ANKRD46: variants seen among roughly 807,000 people sequenced by gnomAD.
The protein encoded by ANKRD46 is ankyrin repeat domain-containing protein 46.
A neutral mutation model predicts 19.8 loss-of-function variants in ANKRD46; 13 were observed. The ratio of observed to expected loss-of-function variants is 0.66; its 90% confidence interval spans 0.43 to 1.04. The LOEUF is 1.04. Ranked by LOEUF, ANKRD46 falls within the 50% of genes least tolerant of loss-of-function variation. The pLI, the probability that ANKRD46 is intolerant of heterozygous loss-of-function variation, is 0.00. For synonymous variants in ANKRD46, 91 were observed against 106.9 expected (o/e 0.85, Z 0.92); for missense variants, 185 against 274.8 (o/e 0.67, Z 2.31).
intron 1 of ANKRD46, among the ~76,000 whole-genome samples, chr8:100,540,799 T>C (rs1016563660): frequency 6.6e-6 from 1 of 152,178 alleles, no homozygotes; most frequent in Non-Finnish European, 1.5e-5. Flanking sequence ...TCTAATATCT[T>C]AGTATTTTCC....
chr8:100,520,211 G>A (rs1811698025), downstream of ANKRD46, among the ~76,000 whole-genome samples: 1 of 152,202 alleles, frequency 6.6e-6, no homozygotes. Flanking sequence ...CTACCACTGG[G>A]AAGATGTGTA....
intron 4 of ANKRD46, among the ~76,000 whole-genome samples, chr8:100,526,252 A>C (rs187669443): frequency 6.6e-6 from 1 of 152,308 alleles, no homozygotes; most frequent in East Asian, 1.9e-4. Context: ...ATCACAACTG[A>C]GGCAAACTAA....
chr8:100,519,884 T>A (rs1811693482), downstream of ANKRD46, among the ~76,000 whole-genome samples: 1 of 152,048 alleles, frequency 6.6e-6, no homozygotes, highest in Non-Finnish European at 1.5e-5. Context: ...CTATTCAACC[T>A]GAAAAGAAAA....
intron 1 of ANKRD46, among the ~76,000 whole-genome samples, chr8:100,542,355 G>C (rs749738465): frequency 8.5e-5 from 13 of 152,086 alleles, no homozygotes; most frequent in Non-Finnish European, 1.5e-4. Context: ...AGACTAAGGA[G>C]ATGCCTTAGT....
At chr8:100,512,968 T>C (rs375969857) in intron 5 of ANKRD46, among the ~76,000 whole-genome samples, 1 of 152,314 alleles carries the variant, frequency 6.6e-6, no homozygotes. Flanking sequence ...CTATTGAGGC[T>C]TTCTTGAGAA....
chr8:100,551,577 A>G, intron 1 of ANKRD46: 2 of 749,476 alleles, frequency 2.7e-6, no homozygotes, highest in East Asian at 6.2e-5. Context: ...ATACTGGAAC[A>G]TGCAGACCAT....
At chr8:100,530,193 A>G (rs1228688194) in intron 2 of ANKRD46, among the ~76,000 whole-genome samples, 1 of 152,206 alleles carries the variant, frequency 6.6e-6, no homozygotes, top group Non-Finnish European at 1.5e-5. Flanking sequence ...CATAGATAAC[A>G]TGGTGTTTAA....
chr8:100,528,156 A>C (rs938538166), intron 3 of ANKRD46, among the ~76,000 whole-genome samples, 153 bp from the exon 4 acceptor site: 1 of 152,152 alleles, frequency 6.6e-6, no homozygotes, highest in Non-Finnish European at 1.5e-5. Flanking sequence ...GGCTGTGGGG[A>C]ACTAAAGGAG....
At position 100,550,639 on chromosome 8, in the gene ANKRD46, G is replaced by A; in HGVS notation, c.-131+9072C>T. On this transcript the variant is annotated intron_variant, in intron 1 of 4. Coordinates refer to ENST00000335659, the MANE Select transcript of ANKRD46 (RefSeq NM_001270377.2). This position sits in a 1 kb window ranked among gnomAD's most constrained non-coding sequence, Gnocchi z 4.4. ...GAGGGGAGATTCCCAGTGTGGTGGG[G>A]GACTGAGCATGGCAGGGACTGCCCA... 1 of 238,218 alleles carries A rather than the reference G, an allele frequency of 4.2e-6. No homozygotes were observed. The highest frequency in any genetic ancestry group is 1.3e-4 in the East Asian group (1 of 7,420). 14.8% of individuals were successfully genotyped at this position (238,218 alleles called of 1,614,324 possible).
chr8:100,549,823 T>G (rs1462713669), intron 1 of ANKRD46, among the ~76,000 whole-genome samples: 1 of 152,228 alleles, frequency 6.6e-6, no homozygotes, highest in Non-Finnish European at 1.5e-5. Flanking sequence ...TTCACTGCCC[T>G]AAAAATTTTC....
At position 100,534,598 on chromosome 8, in the gene ANKRD46, T is replaced by C. The variant is rs548040611; in HGVS notation, c.-130-1287A>G. Among the ~76,000 whole-genome samples the C allele has an allele frequency of 1.3e-5, 2 of 152,290 alleles. No homozygotes were observed. The highest frequency in any genetic ancestry group is 4.8e-5 in the African/African-American group (2 of 41,572). The stretch of plus-strand genomic sequence containing the variant: ...TGTATGATTTGGCTTTAATTTTCAA[T>C]GTTAATTAAAATGGTGCAAGTGGGT... On this transcript the variant is annotated intron_variant, in intron 1 of 4. Transcript: ENST00000335659. This position sits in a 1 kb window ranked among gnomAD's most constrained non-coding sequence, Gnocchi z 4.2.
chr8:100,518,447 C>T (rs1811668390), downstream of ANKRD46, among the ~76,000 whole-genome samples: 1 of 152,076 alleles, frequency 6.6e-6, no homozygotes, highest in South Asian at 2.1e-4. Context: ...CTGTCAATAA[C>T]AAGATTTTTG....
intron 1 of ANKRD46, among the ~76,000 whole-genome samples, chr8:100,551,919 G>A (rs1586803805): frequency 1.3e-5 from 2 of 152,324 alleles, no homozygotes; most frequent in African/African-American, 4.8e-5. Flanking sequence ...GGAGGCCAAG[G>A]TGGGCGGATC....
chr8:100,511,990 A>C lies in ANKRD46; in HGVS notation c.637-1351T>G, dbSNP rs964207581. Among the ~76,000 whole-genome samples, 2 of 152,230 alleles carry C rather than the reference A, an allele frequency of 1.3e-5. No homozygotes were observed. The highest frequency in any genetic ancestry group is 2.9e-5 in the Non-Finnish European group (2 of 68,034). On this transcript the variant is annotated intron_variant, in intron 5 of 5. Coordinates refer to the ANKRD46 transcript ENST00000520552. This position sits in a 1 kb window ranked among gnomAD's most constrained non-coding sequence, Gnocchi z 4.1. ...CGGTGAGCCGAGATTGTGCCACTGCACTTCAGCCTGGGTGACACAGTGAGA... is the reference window on the plus strand; with the variant it reads ...CGGTGAGCCGAGATTGTGCCACTGCCCTTCAGCCTGGGTGACACAGTGAGA...
chr8:100,550,926 ACGCCTGCTTCACCAC>A lies in ANKRD46; in HGVS notation c.-131+8770_-131+8784del, dbSNP rs1812375127. 3.3e-6 allele frequency: 2 copies of A among 601,340 alleles called. No homozygotes were observed. Among genetic ancestry groups the A allele is most frequent in the Admixed American group, 4.0e-5 (2 of 50,054 alleles). 37.3% of individuals were successfully genotyped at this position (601,340 alleles called of 1,614,324 possible). A position where few individuals can be genotyped will look rare whatever the true frequency, so the allele number is the denominator to read the frequency against. ...CAAGATGCCCTTGAGGGGCCCTCTGACGCCTGCTTCACCACCTTTTTGATGTCATCATATTTGGCA... is the reference window on the plus strand; with the variant it reads ...CAAGATGCCCTTGAGGGGCCCTCTGACTTTTTGATGTCATCATATTTGGCA... On this transcript the variant is annotated intron_variant, in intron 1 of 4. Transcript: ENST00000335659. The surrounding 1 kb of genome is among the most constrained non-coding windows in gnomAD (Gnocchi z 4.4).
Position 100,522,595 on chromosome 8 carries a change from AC to A in ANKRD46, c.646del (p.Val216CysfsTer20), listed in dbSNP as rs34603431. 6.2e-7 allele frequency: 1 copy of A among 1,613,920 alleles called. No homozygotes were observed. The highest frequency in any genetic ancestry group is 1.1e-5 in the South Asian group (1 of 91,074). On this transcript the variant is annotated frameshift_variant, in exon 5 of 5. Transcript: ENST00000335659. LOFTEE classifies it high-confidence loss of function. ...SLGIAYYVSG[V>X]LPFVENQPEL... Reference sequence around the variant, plus strand: ...AGGCTGGTTTTCCACGAAGGGTAGCACCCCACTCACATAATAAGCAATGCCA... The same window carrying A: ...AGGCTGGTTTTCCACGAAGGGTAGCACCCACTCACATAATAAGCAATGCCA...
In ANKRD46 at chr8:100,521,581, AATTACAGAT is replaced by A; in HGVS notation, c.*965_*973del. ...GCTCCATCCATTCTTGCCATCAGAG[AATTACAGAT>A]ATGGATGGGATTGTTAAAAGTCTAA... On this transcript the variant is annotated 3_prime_UTR_variant, in exon 5 of 5. Transcript: ENST00000335659. 4.1e-6 allele frequency: 4 copies of A among 985,442 alleles called. No individual in the cohort carries two copies. Among genetic ancestry groups the A allele is most frequent in the Non-Finnish European group, 4.8e-6 (4 of 829,928 alleles). The allele number at this position is 985,442 out of a possible 1,614,324, so 61.0% of individuals were successfully genotyped here. A position where few individuals can be genotyped will look rare whatever the true frequency, so the allele number is the denominator to read the frequency against.
intron 5 of ANKRD46, among the ~76,000 whole-genome samples, chr8:100,513,466 T>G (rs1051949206): frequency 6.6e-6 from 1 of 152,244 alleles, no homozygotes; most frequent in Non-Finnish European, 1.5e-5. Context: ...GAGGTTCCTA[T>G]TATTTGTTTT....
At chr8:100,515,782 T>C (rs1811621141), downstream of ANKRD46, among the ~76,000 whole-genome samples, 1 of 152,104 alleles carries the variant, frequency 6.6e-6, no homozygotes, top group Non-Finnish European at 1.5e-5. Flanking sequence ...ACCACAGTCA[T>C]TCAGTTCCCC....
Sources: allele counts gnomAD v4.1 joint callset (sites outside exome capture counted in the v4.1 genomes callset), GRCh38; gene constraint gnomAD v4.1.1; non-coding constraint Gnocchi (gnomAD v3.1); transcripts MANE v1.5; gene names NCBI Gene and HGNC (gene_info 2026-07-23, HGNC 2026-07-21).